Variants in NWD2 observed in about 807,000 individuals in gnomAD.
The protein encoded by NWD2 is NACHT and WD repeat domain-containing protein 2.
NWD2 carries 37 observed loss-of-function variants against 132.7 expected under a neutral mutation model. The observed-to-expected ratio is 0.28, with a 90% CI of 0.21 to 0.37. NWD2 has a LOEUF of 0.37. Among genes scored for constraint, NWD2 ranks in the 10% least tolerant of loss-of-function variants. NWD2 has a pLI of 1.00. For missense variants in NWD2, 1,592 were observed against 2,122.4 expected, an observed-to-expected ratio of 0.75 and a Z score of 4.91; for synonymous variants, 705 against 803.0, an observed-to-expected ratio of 0.88 and a Z score of 2.06.
intron 2 of NWD2, among the ~76,000 whole-genome samples, chr4:37,342,699 C>T (rs1044790587): frequency 6.6e-6 from 1 of 152,176 alleles, no homozygotes; most frequent in Non-Finnish European, 1.5e-5. Flanking sequence ...TGCCTTGGTT[C>T]ATGGTCAAGG....
intron 1 of NWD2, among the ~76,000 whole-genome samples, chr4:37,266,793 T>C (rs1038826188): frequency 6.6e-6 from 1 of 152,062 alleles, no homozygotes; most frequent in African/African-American, 2.4e-5. Context: ...CAAGTGATTA[T>C]GTCTTTCTCA....
intron 1 of NWD2, among the ~76,000 whole-genome samples, chr4:37,254,889 G>A (rs1357151711): frequency 1.3e-5 from 2 of 152,176 alleles, no homozygotes; most frequent in East Asian, 1.9e-4. Flanking sequence ...GATGTCAGGT[G>A]TATTATTCCT....
chr4:37,431,196 T>C (rs1284444869), intron 4 of NWD2, among the ~76,000 whole-genome samples: 2 of 152,104 alleles, frequency 1.3e-5, no homozygotes, highest in African/African-American at 4.8e-5. Context: ...ATATCCACAC[T>C]CCCAGGTTCA....
In NWD2 at chr4:37,446,115, A is replaced by G; in HGVS notation, c.4127A>G (p.Asp1376Gly). The G allele has an allele frequency of 6.4e-7, 1 of 1,551,692 alleles. No individual in the cohort carries two copies. Among genetic ancestry groups the G allele is most frequent in the Admixed American group, 2.0e-5 (1 of 51,006 alleles). Residue 1376 changes from aspartate to glycine, a missense_variant, in exon 7 of 7, where the codon GAT (aspartate) becomes GGT (glycine). By Grantham distance (94) the Asp-to-Gly change is moderately conservative. Coordinates refer to ENST00000309447, the MANE Select transcript of NWD2 (RefSeq NM_001144990.2). This position sits in a 1 kb window ranked among gnomAD's most constrained non-coding sequence, Gnocchi z 6.7. ...ACCGGAGATATAATGGTGACATCAG[A>G]TGACAAAAGCAGCCAGTATGTCTGG... ...TSTGDIMVTS[D>G]DKSSQYVWHT...
At chr4:37,354,732 A>T (rs1719836383) in intron 2 of NWD2, among the ~76,000 whole-genome samples, 1 of 152,208 alleles carries the variant, frequency 6.6e-6, no homozygotes, top group Non-Finnish European at 1.5e-5. Flanking sequence ...AAGGGTGGTG[A>T]GATGGAAAAG....
At chr4:37,247,328 T>C (rs974311535) in intron 1 of NWD2, among the ~76,000 whole-genome samples, 1 of 152,214 alleles carries the variant, frequency 6.6e-6, no homozygotes, top group Non-Finnish European at 1.5e-5. Flanking sequence ...AGCAAATGCC[T>C]GTGTTTTGGT....
intron 2 of NWD2, among the ~76,000 whole-genome samples, chr4:37,355,439 A>T (rs1476211468): frequency 6.6e-6 from 1 of 152,176 alleles, no homozygotes; most frequent in African/African-American, 2.4e-5. Flanking sequence ...AATCACACAA[A>T]GTCTCCAGAA....
intron 1 of NWD2, among the ~76,000 whole-genome samples, chr4:37,269,295 G>A (rs1717820745): frequency 6.6e-6 from 1 of 151,844 alleles, no homozygotes. Context: ...TAAATGGTTG[G>A]TTGTACTTTT....
intron 3 of NWD2, among the ~76,000 whole-genome samples, chr4:37,360,031 A>G (rs1719948350): frequency 6.6e-6 from 1 of 152,220 alleles, no homozygotes; most frequent in Non-Finnish European, 1.5e-5. Context: ...GGAAGAGCCC[A>G]GAATTTTCAT....
At chr4:37,441,959 T>G (rs1273516098) in intron 6 of NWD2, among the ~76,000 whole-genome samples, 1 of 152,214 alleles carries the variant, frequency 6.6e-6, no homozygotes, top group Non-Finnish European at 1.5e-5. Context: ...GGAGGATGCC[T>G]GTAGTTATCA....
At chr4:37,376,941 G>A (rs753256110) in intron 3 of NWD2, among the ~76,000 whole-genome samples, 3 of 152,146 alleles carry the variant, frequency 2.0e-5, no homozygotes, top group Non-Finnish European at 2.9e-5. Flanking sequence ...CATATCTACT[G>A]TATTGGGCTG....
intron 1 of NWD2, among the ~76,000 whole-genome samples, chr4:37,278,263 G>A (rs1718064849): frequency 6.6e-6 from 1 of 152,134 alleles, no homozygotes; most frequent in African/African-American, 2.4e-5. Flanking sequence ...CTCTGCATGT[G>A]CTCTCAGCCA....
At chr4:37,417,600 T>C (rs1711659475) in intron 3 of NWD2, among the ~76,000 whole-genome samples, 1 of 152,110 alleles carries the variant, frequency 6.6e-6, no homozygotes, top group Non-Finnish European at 1.5e-5. Flanking sequence ...CTATTGGAAA[T>C]AAGGGAGCCT....
chr4:37,255,671 C>G (rs935603400), intron 1 of NWD2, among the ~76,000 whole-genome samples: 1 of 152,070 alleles, frequency 6.6e-6, no homozygotes, highest in Non-Finnish European at 1.5e-5. Context: ...AAGTGTCTGG[C>G]AAAAACAATA....
At position 37,443,303 on chromosome 4, in the gene NWD2, G is replaced by A; in HGVS notation, c.1315G>A (p.Glu439Lys). The change falls in exon 7 of 7, where the codon GAG becomes AAG. Residue 439 changes from glutamate to lysine, a missense_variant. Physicochemically the swap from Glu to Lys is moderately conservative, Grantham distance 56. This residue lies in a region of NWD2 where 1,071 missense variants were observed against 1,398.0 expected (regional missense o/e 0.77). Transcript: ENST00000309447. The surrounding 1 kb of genome is among the most constrained non-coding windows in gnomAD (Gnocchi z 4.1). ...VAKKAYGWLH[E>K]DTGPESDPVV... ...GTTTCAGGCTTATGGCTGGCTACAT[G>A]AGGACACAGGACCAGAATCTGACCC... is the stretch of plus-strand genomic sequence containing the variant. 1 of 1,549,764 alleles carries A rather than the reference G, an allele frequency of 6.5e-7. No individual in the cohort carries two copies. The highest frequency in any genetic ancestry group is 1.4e-5 in the African/African-American group (1 of 73,118).
intron 3 of NWD2, among the ~76,000 whole-genome samples, chr4:37,369,050 G>C (rs73809804): frequency 0.012 from 1,786 of 152,228 alleles, 36 homozygotes; most frequent in African/African-American, 0.04. Context: ...TGAGGGCTGA[G>C]GGAGAAGGAT....
rs1718120191 is a variant in NWD2 at position 37,281,162 on chromosome 4, A to G, written c.151+35944A>G. On this transcript the variant is annotated intron_variant, in intron 1 of 6. Transcript: ENST00000309447. ...AACAACCACAACAAAATCAAATGTG[A>G]TCACAAAAGAGGAAAGCATACATGT... 2.6e-5 allele frequency among the ~76,000 whole-genome samples: 4 copies of G among 152,138 alleles called. No homozygotes were observed. The South Asian group carries it at 8.3e-4, about 32-fold the overall frequency.
intron 1 of NWD2, among the ~76,000 whole-genome samples, chr4:37,289,115 T>C (rs1156881674): frequency 1.3e-5 from 2 of 152,204 alleles, no homozygotes; most frequent in Non-Finnish European, 2.9e-5. Flanking sequence ...TCCCTGAGAT[T>C]GTCAGTGACT....
intron 3 of NWD2, among the ~76,000 whole-genome samples, chr4:37,369,640 A>G (rs1720175445): frequency 6.6e-6 from 1 of 152,074 alleles, no homozygotes; most frequent in African/African-American, 2.4e-5. Context: ...ATTGGTTTTC[A>G]CTCTCCTCCT....
Sources: allele counts gnomAD v4.1 joint callset (sites outside exome capture counted in the v4.1 genomes callset), GRCh38; gene constraint gnomAD v4.1.1; regional missense constraint gnomAD v4.1.1; non-coding constraint Gnocchi (gnomAD v3.1); transcripts MANE v1.5; gene names NCBI Gene and HGNC (gene_info 2026-07-23, HGNC 2026-07-21).